The following ZNRF2 variants were observed in gnomAD, a reference collection of about 807,000 sequenced individuals.
ZNRF2 encodes E3 ubiquitin-protein ligase ZNRF2.
ZNRF2 carries 16 observed loss-of-function variants against 20.4 expected under a neutral mutation model. The observed-to-expected ratio is 0.79, with a 90% CI of 0.53 to 1.19. The LOEUF (loss-of-function observed/expected upper bound fraction) is 1.19. Ranked by LOEUF, ZNRF2 falls within the 50% of genes most tolerant of loss-of-function variation. The pLI, the probability that ZNRF2 is intolerant of heterozygous loss-of-function variation, is 0.00. For synonymous variants in ZNRF2, 178 were observed against 144.9 expected (o/e 1.23, Z -1.64); for missense variants, 363 against 332.4 (o/e 1.09, Z -0.72).
intron 2 of ZNRF2, among the ~76,000 whole-genome samples, chr7:30,340,761 GA>G (rs753449706): frequency 6.6e-6 from 1 of 152,028 alleles, no homozygotes; most frequent in Non-Finnish European, 1.5e-5. Context: ...CTCATAAATT[GA>G]GTTAGGGAGG....
intron 1 of ZNRF2, among the ~76,000 whole-genome samples, chr7:30,286,671 A>C (rs970697517): frequency 1.7e-4 from 26 of 152,226 alleles, no homozygotes; most frequent in African/African-American, 6.3e-4. Flanking sequence ...CTACTTCTTC[A>C]GTTATGTTTT....
intron 1 of ZNRF2, among the ~76,000 whole-genome samples, chr7:30,316,222 A>C (rs1262845239): frequency 1.6e-5 from 2 of 125,480 alleles, no homozygotes; most frequent in African/African-American, 5.9e-5. Flanking sequence ...TGGGAAGCGG[A>C]GGTTGTGGTG....
At chr7:30,308,497 C>T (rs1311016065) in intron 1 of ZNRF2, among the ~76,000 whole-genome samples, 1 of 152,188 alleles carries the variant, frequency 6.6e-6, no homozygotes, top group Non-Finnish European at 1.5e-5. Flanking sequence ...AATCTGTGGG[C>T]TCCACCCTCA....
chr7:30,361,901 G>A (rs558772345), intron 3 of ZNRF2, among the ~76,000 whole-genome samples: 1 of 152,066 alleles, frequency 6.6e-6, no homozygotes, highest in Admixed American at 6.5e-5. Context: ...GTATGTATAT[G>A]TATTACATGG....
intron 2 of ZNRF2, among the ~76,000 whole-genome samples, chr7:30,345,016 C>G (rs1214372235): frequency 6.6e-6 from 1 of 152,024 alleles, no homozygotes. Context: ...CCAAAGAACT[C>G]TTTTTTATGA....
chr7:30,355,944 C>A, intron 3 of ZNRF2, 111 bp downstream of exon 3: 3 of 667,088 alleles, frequency 4.5e-6, no homozygotes, highest in Non-Finnish European at 7.7e-6. Flanking sequence ...CTGTCTCACA[C>A]ACACTTCTTA....
intron 1 of ZNRF2, among the ~76,000 whole-genome samples, chr7:30,308,754 A>G (rs565757374): frequency 3.7e-4 from 56 of 152,288 alleles, no homozygotes; most frequent in Admixed American, 1.2e-3. Flanking sequence ...AGTATTGTCA[A>G]TATTTTATTT....
chr7:30,321,365 C>T (rs1268239446), intron 1 of ZNRF2, among the ~76,000 whole-genome samples: 1 of 152,000 alleles, frequency 6.6e-6, no homozygotes, highest in Non-Finnish European at 1.5e-5. Context: ...CACTCAGGAT[C>T]TGTGTTTGCT....
chr7:30,289,724 G>A (rs1798862923), intron 1 of ZNRF2: 1 of 519,178 alleles, frequency 1.9e-6, no homozygotes, highest in African/African-American at 2.0e-5. Context: ...ACTGCAAGGT[G>A]GGGAGGATTG....
At chr7:30,301,913 G>C (rs1196149120) in intron 1 of ZNRF2, among the ~76,000 whole-genome samples, 1 of 152,168 alleles carries the variant, frequency 6.6e-6, no homozygotes, top group Non-Finnish European at 1.5e-5. Context: ...GCTGCTGCTT[G>C]TTCAGGGAAG....
At chr7:30,295,053 GT>G (rs1798994273) in intron 1 of ZNRF2, among the ~76,000 whole-genome samples, 1 of 70,678 alleles carries the variant, frequency 1.4e-5, no homozygotes, top group African/African-American at 1.0e-4. Context: ...GAGAGAGAGT[GT>G]GTGTGTGTGT....
chr7:30,365,172 T>TGG (rs1554297557), intron 4 of ZNRF2, among the ~76,000 whole-genome samples: 7 of 114,952 alleles, frequency 6.1e-5, no homozygotes, highest in African/African-American at 2.1e-4. Flanking sequence ...TTTTTTTTTT[T>TGG]GGTGAGGTGG....
At chr7:30,338,240 T>A (rs1452322868) in intron 2 of ZNRF2, among the ~76,000 whole-genome samples, 2 of 152,112 alleles carry the variant, frequency 1.3e-5, no homozygotes, top group Non-Finnish European at 2.9e-5. Flanking sequence ...TTTTTGGTAA[T>A]TATTTGCCAG....
In ZNRF2 at chr7:30,363,098, G is replaced by A. The variant is rs550182664; in HGVS notation, c.*22+642G>A. 4.6e-5 allele frequency among the ~76,000 whole-genome samples: 7 copies of A among 152,152 alleles called. No homozygotes were observed. The South Asian group carries it at 8.3e-4, about 18-fold the overall frequency. The stretch of plus-strand genomic sequence containing the variant: ...ATCGTGCCACTGCACTCTAGCCTGG[G>A]CGACAGAGCGAGTCTCCTTCTCAAA... On this transcript the variant is annotated intron_variant, in intron 4 of 4. Transcript: ENST00000323037.
chr7:30,306,280 T>A (rs1027597352), intron 1 of ZNRF2, among the ~76,000 whole-genome samples: 2 of 152,088 alleles, frequency 1.3e-5, no homozygotes, highest in East Asian at 1.9e-4. Flanking sequence ...ATGAAAGCTA[T>A]TGAAACAAAG....
chr7:30,343,214 C>T (rs552005541), intron 2 of ZNRF2, among the ~76,000 whole-genome samples: 22 of 151,886 alleles, frequency 1.4e-4, no homozygotes, highest in Non-Finnish European at 2.9e-4. Flanking sequence ...ACTGGGGAGG[C>T]TGAGGTGGGA....
chr7:30,304,194 C>G (rs2128058449), intron 1 of ZNRF2, among the ~76,000 whole-genome samples: 1 of 152,230 alleles, frequency 6.6e-6, no homozygotes, highest in Non-Finnish European at 1.5e-5. Flanking sequence ...CTTTTCTGGC[C>G]TAAGCAGCTA....
At chr7:30,285,959 G>T in intron 1 of ZNRF2, 133 bp downstream of exon 1, 1 of 1,318,900 alleles carries the variant, frequency 7.6e-7, no homozygotes, top group South Asian at 1.9e-5. Context: ...GGACCAGCCC[G>T]CGTCGGTCTC....
chr7:30,325,451 T>C (rs998293800), intron 2 of ZNRF2, among the ~76,000 whole-genome samples: 1 of 152,196 alleles, frequency 6.6e-6, no homozygotes, highest in Non-Finnish European at 1.5e-5. Context: ...TAGTCACTGA[T>C]TTCTTTGAGC....
Sources: allele counts gnomAD v4.1 joint callset (sites outside exome capture counted in the v4.1 genomes callset), GRCh38; gene constraint gnomAD v4.1.1; transcripts MANE v1.5; gene names NCBI Gene and HGNC (gene_info 2026-07-23, HGNC 2026-07-21).